STOX1: variants seen among roughly 807,000 people sequenced by gnomAD.
The protein encoded by STOX1 is storkhead-box protein 1.
A neutral mutation model predicts 74.8 loss-of-function variants in STOX1; 57 were observed. The observed-to-expected ratio is 0.76, with a 90% CI of 0.62 to 0.95. The LOEUF (loss-of-function observed/expected upper bound fraction) is 0.95. Among genes scored for constraint, STOX1 ranks in the 40% least tolerant of loss-of-function variants. The probability of loss-of-function intolerance (pLI) is 0.00; values close to 1 mark genes in which losing one functional copy is unlikely to be tolerated. For synonymous variants in STOX1, 375 were observed against 401.3 expected (o/e 0.93, Z 0.78); for missense variants, 1,010 against 1,117.0 (o/e 0.90, Z 1.37).
At chr10:68,858,925 A>G (rs1185695094) in intron 1 of STOX1, among the ~76,000 whole-genome samples, 4 of 152,014 alleles carry the variant, frequency 2.6e-5, no homozygotes, top group Non-Finnish European at 4.4e-5. Flanking sequence ...GTTTTATCTC[A>G]TGATGCAAAG....
rs769487915 is a variant in STOX1, at chr10:68,886,065, C to T, written c.2269C>T (p.Gln757Ter). The change falls in exon 3 of 4, where the codon CAG becomes TAG. Residue 757 changes from glutamine (Q) to a stop codon, truncating the protein, a stop_gained. Transcript: ENST00000298596. LOFTEE classifies it high-confidence loss of function. ...ACGTCAAATGCTGCCTGGCCACAGT[C>T]AGTATTCCTTCACAGGTGGAAGCCA... ...DLRQMLPGHS[Q>*]YSFTGGSQGN... is the part of the protein sequence containing the mutation. 6.2e-7 allele frequency: 1 copy of T among 1,614,026 alleles called. No individual in the cohort carries two copies. Among genetic ancestry groups the T allele is most frequent in the Admixed American group, 1.7e-5 (1 of 59,992 alleles).
At chr10:68,855,560 T>A (rs1840101951) in intron 1 of STOX1, among the ~76,000 whole-genome samples, 1 of 151,984 alleles carries the variant, frequency 6.6e-6, no homozygotes, top group Admixed American at 6.6e-5. Flanking sequence ...CGCCTCAGCC[T>A]CACATAGCTG....
intron 1 of STOX1, among the ~76,000 whole-genome samples, chr10:68,854,145 G>A (rs1045248926): frequency 6.6e-6 from 1 of 151,946 alleles, no homozygotes; most frequent in Non-Finnish European, 1.5e-5. Context: ...ACAGGCATGC[G>A]CCACCACGCT....
At chr10:68,874,013 CTTTTTTTTTT>C (rs1160388935) in intron 1 of STOX1, among the ~76,000 whole-genome samples, 1 of 25,758 alleles carries the variant, frequency 3.9e-5, no homozygotes, top group African/African-American at 1.8e-4. Context: ...GCTAGGTAGC[CTTTTTTTTTT>C]TTTTTTTTTT....
intron 1 of STOX1, among the ~76,000 whole-genome samples, chr10:68,831,004 A>G (rs891313154): frequency 3.3e-5 from 5 of 152,258 alleles, no homozygotes; most frequent in African/African-American, 7.2e-5. Context: ...AAAGGAATTG[A>G]AAGTTTGTGT....
rs1434390236 is a variant in STOX1 at position 68,827,595 on chromosome 10, G to A, written c.-29G>A. ...GCCGCCGCGCTCGCCGAGGCCCTGC[G>A]TTGCGGGCTCCCGGCCGCCGGCGAA... On this transcript the variant is annotated 5_prime_UTR_variant, in exon 1 of 4. Transcript: ENST00000298596. The A allele has an allele frequency of 5.3e-6, 6 of 1,133,088 alleles. No individual in the cohort carries two copies. Among genetic ancestry groups the A allele is most frequent in the Non-Finnish European group, 6.5e-6 (6 of 924,872 alleles). The allele number at this position is 1,133,088 out of a possible 1,614,324, so 70.2% of individuals were successfully genotyped here.
At chr10:68,886,791 G>A (rs1203177912) in intron 3 of STOX1, among the ~76,000 whole-genome samples, 173 bp downstream of exon 3, 3 of 151,926 alleles carry the variant, frequency 2.0e-5, no homozygotes, top group Non-Finnish European at 2.9e-5. Flanking sequence ...GTGGTGGTGC[G>A]TCCCTGTAAT....
chr10:68,828,239 C>A, intron 1 of STOX1: 6 of 1,050,006 alleles, frequency 5.7e-6, no homozygotes, highest in Non-Finnish European at 7.2e-6. Context: ...GGCCCTGCGG[C>A]CGCCGCGCGG....
At chr10:68,865,744 A>G (rs1267432701) in intron 1 of STOX1, among the ~76,000 whole-genome samples, 1 of 152,218 alleles carries the variant, frequency 6.6e-6, no homozygotes, top group Non-Finnish European at 1.5e-5. Context: ...AACTGAATTA[A>G]TGGCCCTTAA....
At chr10:68,863,155 C>A (rs1046874728) in intron 1 of STOX1, among the ~76,000 whole-genome samples, 6 of 152,004 alleles carry the variant, frequency 3.9e-5, no homozygotes, top group African/African-American at 1.5e-4. Flanking sequence ...ACCGGGCAAC[C>A]AAGAGCTATC....
intron 1 of STOX1, among the ~76,000 whole-genome samples, chr10:68,848,406 G>A (rs1589221113): frequency 6.6e-6 from 1 of 152,266 alleles, no homozygotes; most frequent in South Asian, 2.1e-4. Flanking sequence ...CAGCTTTTGT[G>A]TGGGCTTTCC....
At chr10:68,839,350 G>A (rs1020533106) in intron 1 of STOX1, among the ~76,000 whole-genome samples, 2 of 151,944 alleles carry the variant, frequency 1.3e-5, no homozygotes, top group African/African-American at 2.4e-5. Flanking sequence ...AGTCTCATGA[G>A]TAGCTGGGAC....
chr10:68,877,946 G>A (rs1457755170), intron 1 of STOX1, among the ~76,000 whole-genome samples: 2 of 152,144 alleles, frequency 1.3e-5, no homozygotes, highest in Non-Finnish European at 2.9e-5. Context: ...TGGAGAAAGG[G>A]GGTTCTGGTT....
intron 1 of STOX1, among the ~76,000 whole-genome samples, chr10:68,847,251 C>G (rs536651272): frequency 3.4e-4 from 51 of 152,100 alleles, no homozygotes; most frequent in African/African-American, 1.2e-3. Context: ...ACATCTGTAT[C>G]AACTGAGGGG....
chr10:68,867,813 G>A (rs577187445), intron 1 of STOX1, among the ~76,000 whole-genome samples: 42 of 152,302 alleles, frequency 2.8e-4, no homozygotes, highest in African/African-American at 1.0e-3. Flanking sequence ...CCTTCTTCCA[G>A]ACCTCTACAT....
At chr10:68,838,277 G>C (rs1216192653) in intron 1 of STOX1, among the ~76,000 whole-genome samples, 1 of 152,042 alleles carries the variant, frequency 6.6e-6, no homozygotes, top group Non-Finnish European at 1.5e-5. Context: ...GTGTTGCCTA[G>C]GCTAGTGTTG....
chr10:68,834,617 A>G (rs560790285), intron 1 of STOX1, among the ~76,000 whole-genome samples: 2 of 152,370 alleles, frequency 1.3e-5, no homozygotes, highest in South Asian at 2.1e-4. Flanking sequence ...GGTAACCCAC[A>G]TTCCTAGCAG....
intron 1 of STOX1, among the ~76,000 whole-genome samples, chr10:68,845,976 T>C (rs1376510878): frequency 1.3e-5 from 2 of 151,894 alleles, no homozygotes; most frequent in Non-Finnish European, 2.9e-5. Flanking sequence ...TGGGCTCAAG[T>C]GATCCTCCCA....
intron 1 of STOX1, among the ~76,000 whole-genome samples, chr10:68,861,552 A>T (rs1018011882): frequency 6.6e-6 from 1 of 152,110 alleles, no homozygotes; most frequent in East Asian, 1.9e-4. Context: ...TGTTCCTTGC[A>T]TGTCCCCCTT....
Sources: gnomAD v4.1 joint callset for allele counts (sites outside exome capture counted in the v4.1 genomes callset) on GRCh38, gnomAD v4.1.1 for gene constraint, MANE v1.5 for transcripts, NCBI Gene and HGNC (gene_info 2026-07-23, HGNC 2026-07-21) for gene names.